The following NOX4 variants were observed in gnomAD, a reference collection of about 807,000 sequenced individuals.
NOX4 encodes the protein NADPH oxidase 4, also known as kidney oxidase-1.
In NOX4, 69 loss-of-function variants were observed where a neutral mutation model predicts 87.6. The observed-to-expected ratio is 0.79, with a 90% CI of 0.65 to 0.96. NOX4 has a LOEUF of 0.96. NOX4 is among the 40% of genes least tolerant of loss of function. The probability of loss-of-function intolerance (pLI) is 0.00; values close to 1 mark genes in which losing one functional copy is unlikely to be tolerated. For synonymous variants in NOX4, 275 were observed against 238.2 expected, an observed-to-expected ratio of 1.15 and a Z score of -1.42; for missense variants, 680 against 681.5, an observed-to-expected ratio of 1.00 and a Z score of 0.02.
chr11:89,395,639 C>G (rs1941431507), intron 11 of NOX4, among the ~76,000 whole-genome samples: 1 of 152,112 alleles, frequency 6.6e-6, no homozygotes, highest in South Asian at 2.1e-4. Flanking sequence ...GGTTTTAGGT[C>G]TAACATTTAA....
At chr11:89,528,289 A>G in the NOX4 span, among the ~76,000 whole-genome samples, 1 of 152,140 alleles carries the variant, frequency 6.6e-6, no homozygotes. Context: ...GCAGCTTGCC[A>G]TGTCTCAGGC....
intron 8 of NOX4, among the ~76,000 whole-genome samples, chr11:89,414,005 T>G (rs759642799): frequency 6.6e-5 from 10 of 152,024 alleles, no homozygotes; most frequent in Non-Finnish European, 1.5e-4. Flanking sequence ...TGTGTGTGTA[T>G]AGTGTCAATT....
chr11:89,539,144 A>C, the NOX4 span, among the ~76,000 whole-genome samples: 5 of 152,074 alleles, frequency 3.3e-5, no homozygotes, highest in African/African-American at 1.2e-4. Context: ...AAAAATAATA[A>C]ATTTTTGGGC....
the NOX4 span, among the ~76,000 whole-genome samples, chr11:89,518,595 T>C: frequency 1.3e-5 from 2 of 152,048 alleles, no homozygotes; most frequent in Non-Finnish European, 2.9e-5. Context: ...CCTTTGACAT[T>C]CTGGTAACTA....
At chr11:89,382,724 T>G (rs2135100996) in intron 11 of NOX4, among the ~76,000 whole-genome samples, 1 of 152,144 alleles carries the variant, frequency 6.6e-6, no homozygotes, top group Admixed American at 6.5e-5. Flanking sequence ...AATTCTTCTG[T>G]CACCTCCCCT....
chr11:89,455,392 T>C (rs1945145486), intron 2 of NOX4, among the ~76,000 whole-genome samples: 1 of 152,108 alleles, frequency 6.6e-6, no homozygotes, highest in Non-Finnish European at 1.5e-5. Context: ...TCCTCCTTTC[T>C]ACTCTTTTCC....
chr11:89,341,235 G>A (rs1945985654), intron 14 of NOX4, among the ~76,000 whole-genome samples: 1 of 148,026 alleles, frequency 6.8e-6, no homozygotes, highest in Admixed American at 7.0e-5. Context: ...AGATTCTCAT[G>A]CCTCAGCCTC....
intron 8 of NOX4, among the ~76,000 whole-genome samples, chr11:89,410,509 T>C (rs1451989834): frequency 1.3e-5 from 2 of 152,216 alleles, no homozygotes; most frequent in Non-Finnish European, 2.9e-5. Flanking sequence ...AGAACCACTA[T>C]AGTTTACCTA....
chr11:89,501,033 A>C (rs1228794398), upstream of NOX4, among the ~76,000 whole-genome samples: 1 of 152,060 alleles, frequency 6.6e-6, no homozygotes, highest in Non-Finnish European at 1.5e-5. Context: ...ACATATGCCA[A>C]CTTGGAAATA....
the NOX4 span, among the ~76,000 whole-genome samples, chr11:89,537,113 G>C: frequency 1.3e-5 from 2 of 152,174 alleles, no homozygotes; most frequent in Admixed American, 1.3e-4. Context: ...AAGGAGAGCA[G>C]CTTGGCTCTT....
At chr11:89,491,553 C>G (rs1946858849), upstream of NOX4, 1 of 395,948 alleles carries the variant, frequency 2.5e-6, no homozygotes, top group Non-Finnish European at 4.5e-6. Flanking sequence ...CCGCGCCGGC[C>G]CCTTTGTCTA....
chr11:89,402,501 G>T lies in NOX4; in HGVS notation c.671C>A (p.Pro224His). Residue 224 changes from proline to histidine, a missense_variant, in exon 9 of 18, where the codon CCC (proline) becomes CAC (histidine). Physicochemically the swap from Pro to His is moderately conservative, Grantham distance 77. Coordinates refer to ENST00000263317, the MANE Select transcript of NOX4 (RefSeq NM_016931.5). ...KYQTNLDTHPPGCISLNRTSS... is the reference protein window; with the variant it reads ...KYQTNLDTHPHGCISLNRTSS... ...GGTTCGGTTAAGACTGATGCAGCCG[G>T]GAGGGTGGGTATCTAAATTAGTTTG... The T allele has an allele frequency of 6.2e-7, 1 of 1,611,474 alleles. No homozygotes were observed. The highest frequency in any genetic ancestry group is 8.5e-7 in the Non-Finnish European group (1 of 1,179,142).
At chr11:89,546,513 T>C in the NOX4 span, 1 of 152,240 alleles carries the variant, frequency 6.6e-6, no homozygotes, top group East Asian at 1.9e-4. Flanking sequence ...TTATTAGCTA[T>C]GTGATCTGAA....
At chr11:89,477,902 G>A (rs1485093361) in intron 2 of NOX4, among the ~76,000 whole-genome samples, 1 of 152,014 alleles carries the variant, frequency 6.6e-6, no homozygotes, top group Non-Finnish European at 1.5e-5. Flanking sequence ...ACTGTCATTG[G>A]CAAAATATTT....
the NOX4 span, among the ~76,000 whole-genome samples, chr11:89,542,673 T>C: frequency 6.6e-6 from 1 of 152,144 alleles, no homozygotes; most frequent in Non-Finnish European, 1.5e-5. Flanking sequence ...TCCCTTTTTA[T>C]CCCTTTCTTC....
chr11:89,474,458 C>CAAAAAAAAAAAAAAAAAA (rs67342388), intron 2 of NOX4, among the ~76,000 whole-genome samples: 1 of 97,042 alleles, frequency 1.0e-5, no homozygotes, highest in Non-Finnish European at 2.2e-5. Context: ...TCTATAATAC[C>CAAAAAAAAAAAAAAAAAA]AAAAAAAAAA....
intron 8 of NOX4, among the ~76,000 whole-genome samples, chr11:89,411,891 A>G (rs562925764): frequency 1.3e-5 from 2 of 152,278 alleles, no homozygotes; most frequent in South Asian, 4.1e-4. Flanking sequence ...ATGGAGAAAC[A>G]AAAAGACCCA....
In NOX4 at chr11:89,367,914, T is replaced by A. The variant is rs572986329; in HGVS notation, c.1135+5518A>T. 1.5e-3 allele frequency among the ~76,000 whole-genome samples: 229 copies of A among 152,140 alleles called. 1 individual carries two copies. The highest frequency in any genetic ancestry group is 3.4e-3 in the Middle Eastern group (1 of 294). On this transcript the variant is annotated intron_variant, in intron 12 of 17. Transcript: ENST00000263317. ...CTTCTGAGCCATTCAAGCTATTTTT[T>A]CTCCGTGGAATAATCCCCCACTCTA...
upstream of NOX4, chr11:89,498,917 C>T (rs533900065): frequency 6.6e-6 from 1 of 152,362 alleles, no homozygotes; most frequent in South Asian, 2.1e-4. Context: ...TTTTTCACAC[C>T]AGATGCTAGA....
Sources: allele counts gnomAD v4.1 joint callset (sites outside exome capture counted in the v4.1 genomes callset), GRCh38; gene constraint gnomAD v4.1.1; transcripts MANE v1.5; gene names NCBI Gene and HGNC (gene_info 2026-07-23, HGNC 2026-07-21).